The following F13B variants were observed in gnomAD, a reference collection of about 807,000 sequenced individuals.
The protein encoded by F13B is TGase.
F13B carries 58 observed loss-of-function variants against 79.8 expected under a neutral mutation model. That is an observed-to-expected ratio of 0.73 (90% CI 0.59 to 0.90). The LOEUF (loss-of-function observed/expected upper bound fraction) is 0.90, where lower values mean the gene tolerates loss of function less well. Ranked by LOEUF, F13B falls within the 40% of genes least tolerant of loss-of-function variation. The probability of loss-of-function intolerance (pLI) is 0.00; values close to 1 mark genes in which losing one functional copy is unlikely to be tolerated. For missense variants in F13B, 773 were observed against 777.0 expected, an observed-to-expected ratio of 0.99 and a Z score of 0.06; for synonymous variants, 283 against 260.3, an observed-to-expected ratio of 1.09 and a Z score of -0.84.
chr1:197,067,192 A>G lies in F13B; in HGVS notation c.32T>C (p.Ile11Thr), dbSNP rs755472323. ...ATAGAGTTCTCCTGAGATTATCAAT[A>G]TGATGATAAAAGTCAGGTTTTTCAA... The part of the protein sequence containing the change: MRLKNLTFII[I>T]LIISGELYAE... The change falls in exon 1 of 12, where the codon ATA becomes ACA. Residue 11 changes from isoleucine (I) to threonine (T), a missense_variant. Coordinates refer to ENST00000367412, the MANE Select transcript of F13B (RefSeq NM_001994.3). The G allele has an allele frequency of 1.2e-6, 2 of 1,608,962 alleles. No individual in the cohort carries two copies. Among genetic ancestry groups the G allele is most frequent in the South Asian group, 2.2e-5 (2 of 90,908 alleles).
At chr1:197,057,259 G>A (rs1169848061) in intron 6 of F13B, 27 bp downstream of exon 6, 1 of 1,613,864 alleles carries the variant, frequency 6.2e-7, no homozygotes, top group Non-Finnish European at 8.5e-7. Flanking sequence ...TTTCATTTTA[G>A]CAAAGCTTCT....
In F13B at chr1:197,055,791, A is replaced by G. The variant is rs1204275305; in HGVS notation, c.1278T>C (p.Asn426=). The stretch of plus-strand genomic sequence containing the variant: ...TTGATCCCCTCAGTAAGTAATATTC[A>G]TTGCATCTATATTCCACTGAGGATC... The part of the protein sequence containing the change: ...ATGSSVEYRC[N]EYYLLRGSKI... Residue 426 remains asparagine, a synonymous_variant, in exon 8 of 12, where the codon AAT becomes AAC. Transcript: ENST00000367412. 2 of 1,613,512 alleles carry G rather than the reference A, an allele frequency of 1.2e-6. No homozygotes were observed. The highest frequency in any genetic ancestry group is 4.5e-5 in the East Asian group (2 of 44,872).
At chr1:197,061,118 A>G (rs1167673743) in intron 3 of F13B, 43 bp from the exon 4 acceptor site, 1 of 960,838 alleles carries the variant, frequency 1.0e-6, no homozygotes, top group Non-Finnish European at 1.5e-6. Flanking sequence ...TTTTTTAATA[A>G]CCTAGATTAT....
At chr1:197,067,027 A>G in intron 1 of F13B, 133 bp downstream of exon 1, 1 of 471,552 alleles carries the variant, frequency 2.1e-6, no homozygotes, top group Non-Finnish European at 3.7e-6. Flanking sequence ...ATATTATAAA[A>G]AGTTATATTT....
intron 1 of F13B, among the ~76,000 whole-genome samples, chr1:197,066,640 G>C (rs1183372758): frequency 6.6e-6 from 1 of 152,046 alleles, no homozygotes; most frequent in Non-Finnish European, 1.5e-5. Context: ...GCAATTATAT[G>C]GTTCACCTAC....
At chr1:197,055,458 C>G (rs1354454558) in intron 8 of F13B, among the ~76,000 whole-genome samples, 1 of 151,752 alleles carries the variant, frequency 6.6e-6, no homozygotes, top group Non-Finnish European at 1.5e-5. Context: ...GCTAATTGGT[C>G]ACAAAAATGT....
At chr1:197,045,707 C>A (rs1655203615) in intron 10 of F13B, among the ~76,000 whole-genome samples, 2 of 151,786 alleles carry the variant, frequency 1.3e-5, no homozygotes, top group Admixed American at 1.3e-4. Context: ...GACACAACAA[C>A]AACAAAAAAC....
chr1:197,049,606 C>T (rs1370024612), intron 10 of F13B, among the ~76,000 whole-genome samples: 1 of 151,996 alleles, frequency 6.6e-6, no homozygotes, highest in Non-Finnish European at 1.5e-5. Flanking sequence ...ACTCAAGTCC[C>T]AGATGGCTTC....
intron 5 of F13B, among the ~76,000 whole-genome samples, chr1:197,057,673 A>G (rs1655698747): frequency 6.6e-6 from 1 of 152,146 alleles, no homozygotes; most frequent in Non-Finnish European, 1.5e-5. Context: ...CTAGCCCACA[A>G]AATACAGCAA....
At chr1:197,059,503 C>CTGACAGAAA (rs1655766864) in intron 5 of F13B, among the ~76,000 whole-genome samples, 1 of 152,042 alleles carries the variant, frequency 6.6e-6, no homozygotes, top group Non-Finnish European at 1.5e-5. Flanking sequence ...CCTTATATCC[C>CTGACAGAAA]ATATTACAGA....
At chr1:197,050,476 G>A (rs912934003) in intron 10 of F13B, among the ~76,000 whole-genome samples, 1 of 152,062 alleles carries the variant, frequency 6.6e-6, no homozygotes, top group African/African-American at 2.4e-5. Flanking sequence ...CCAACCTGAT[G>A]TGTGGTTTGT....
At chr1:197,059,260 T>G (rs1655758265) in intron 5 of F13B, among the ~76,000 whole-genome samples, 1 of 151,994 alleles carries the variant, frequency 6.6e-6, no homozygotes, top group African/African-American at 2.4e-5. Context: ...TTAAAAAAAT[T>G]TGCTTAAAAA....
chr1:197,063,925 C>T (rs1384348918), intron 1 of F13B, among the ~76,000 whole-genome samples: 1 of 151,996 alleles, frequency 6.6e-6, no homozygotes, highest in Non-Finnish European at 1.5e-5. Flanking sequence ...AAAGTTTCTC[C>T]TTAACATATG....
chr1:197,062,791 C>T lies in F13B; in HGVS notation c.265+66G>A, dbSNP rs758475298. On this transcript the variant is annotated intron_variant, in intron 2 of 11. Coordinates refer to ENST00000367412, the MANE Select transcript of F13B (RefSeq NM_001994.3). ...TTAACCGCTTTCCATTTTTATTGGA[C>T]CCCTATTTTTATATACAAATTTCTT... 10 of 1,475,150 alleles carry T rather than the reference C, an allele frequency of 6.8e-6. No individual in the cohort carries two copies. In the African/African-American group the frequency reaches 6.9e-5, roughly 10 times the overall value. The allele number at this position is 1,475,150 out of a possible 1,614,324, so 91.4% of individuals were successfully genotyped here. A position where few individuals can be genotyped will look rare whatever the true frequency, so the allele number is the denominator to read the frequency against.
At chr1:197,062,631 C>T (rs777276663) in intron 2 of F13B, among the ~76,000 whole-genome samples, 1 of 152,086 alleles carries the variant, frequency 6.6e-6, no homozygotes, top group Non-Finnish European at 1.5e-5. Context: ...CTATTCCCTT[C>T]AACAGAGTAT....
chr1:197,046,535 T>C (rs1655238095), intron 10 of F13B, among the ~76,000 whole-genome samples: 1 of 152,170 alleles, frequency 6.6e-6, no homozygotes, highest in Non-Finnish European at 1.5e-5. Context: ...TGGAAGAACA[T>C]TCCATGCTCA....
In F13B at chr1:197,057,450, C is replaced by T; in HGVS notation, c.821G>A (p.Cys274Tyr). ...SPVCEGRRNR[C>Y]PPPPLPINSK... is the part of the protein sequence containing the mutation. ...GTTTATGGGCAGAGGTGGAGGAGGACATCTGTTTCTTCTTCCTTATGGAAA... is the reference window on the plus strand; with the variant it reads ...GTTTATGGGCAGAGGTGGAGGAGGATATCTGTTTCTTCTTCCTTATGGAAA... Residue 274 changes from cysteine (C) to tyrosine (Y), a missense_variant, in exon 6 of 12, where the codon TGT becomes TAT. Cys to Tyr is a radical substitution (Grantham distance 194). Transcript: ENST00000367412. The T allele has an allele frequency of 6.2e-7, 1 of 1,613,756 alleles. No individual in the cohort carries two copies.
rs141815141 is a variant in F13B at position 197,057,423 on chromosome 1, G to A, written c.848C>T (p.Ser283Phe). ...RCPPPPLPIN[S>F]KIQTHSTTYR... ...AGTTGTTGAATGTGTTTGAATTTTG[G>A]AGTTTATGGGCAGAGGTGGAGGAGG... Residue 283 changes from serine to phenylalanine, a missense_variant, in exon 6 of 12, where the codon TCC becomes TTC. Physicochemically the swap from Ser to Phe is radical, Grantham distance 155 (BLOSUM62 -2). Coordinates refer to ENST00000367412, the MANE Select transcript of F13B (RefSeq NM_001994.3). 1.7e-5 allele frequency: 28 copies of A among 1,613,726 alleles called. No homozygotes were observed. The African/African-American group carries it at 3.5e-4, about 20-fold the overall frequency.
intron 2 of F13B, among the ~76,000 whole-genome samples, chr1:197,062,216 A>G (rs2125073461): frequency 6.6e-6 from 1 of 152,206 alleles, no homozygotes; most frequent in South Asian, 2.1e-4. Context: ...ATCAACCACA[A>G]TAGCCATATT....
Sources: allele counts gnomAD v4.1 joint callset (sites outside exome capture counted in the v4.1 genomes callset), GRCh38; gene constraint gnomAD v4.1.1; transcripts MANE v1.5; gene names NCBI Gene and HGNC (gene_info 2026-07-23, HGNC 2026-07-21).